Variants in ZNF730 observed in about 807,000 individuals in gnomAD.
The protein encoded by ZNF730 is zinc finger protein 730.
A neutral mutation model predicts 12.6 loss-of-function variants in ZNF730; 12 were observed. The observed-to-expected ratio is 0.95, with a 90% CI of 0.61 to 1.54. ZNF730 has a LOEUF of 1.54. Among genes scored for constraint, ZNF730 ranks in the 40% most tolerant of loss-of-function variants. The pLI, the probability that ZNF730 is intolerant of heterozygous loss-of-function variation, is 0.00. For synonymous variants in ZNF730, 194 were observed against 195.8 expected (o/e 0.99, Z 0.08); for missense variants, 643 against 583.5 (o/e 1.10, Z -1.05).
In ZNF730 at chr19:23,136,909, A is replaced by G. The variant is rs143041695; in HGVS notation, c.226+866A>G. 3.2e-3 allele frequency among the ~76,000 whole-genome samples: 485 copies of G among 152,256 alleles called. 2 individuals carry two copies. The highest frequency in any genetic ancestry group is 0.011 in the African/African-American group (469 of 41,560). On this transcript the variant is annotated intron_variant, in intron 3 of 3. Coordinates refer to ENST00000597761, the MANE Select transcript of ZNF730 (RefSeq NM_001277403.2). ...TTTTAGCCTGGGCATGGTGGCTCAC[A>G]CCTGTAATCCCAGCACTTTGGGAGG...
At chr19:23,127,478 T>A in intron 1 of ZNF730, 1 of 1,077,096 alleles carries the variant, frequency 9.3e-7, no homozygotes, top group South Asian at 1.3e-5. Context: ...CTTCTGTACT[T>A]TTTCCCTTGA....
At chr19:23,087,494 T>G (rs1049543413) in intron 1 of ZNF730, among the ~76,000 whole-genome samples, 4 of 152,196 alleles carry the variant, frequency 2.6e-5, no homozygotes, top group Non-Finnish European at 5.9e-5. Context: ...TTTATCAGCT[T>G]AAGGAGCTTA....
chr19:23,145,934 C>T lies in ZNF730; in HGVS notation c.890C>T (p.Ser297Leu), dbSNP rs1473418797. The part of the protein sequence containing the change: ...EECGKAFNQS[S>L]NLTEHKKIHT... ...TGTGGCAAAGCCTTTAACCAGTCCT[C>T]AAACCTTACTGAACATAAGAAAATT... The change falls in exon 4 of 4, where the codon TCA (serine) becomes TTA (leucine). Residue 297 changes from serine (S) to leucine (L), a missense_variant. Ser to Leu is a moderately radical substitution (Grantham distance 145). Transcript: ENST00000597761. The T allele has an allele frequency of 1.9e-6, 3 of 1,609,468 alleles. No individual in the cohort carries two copies. The highest frequency in any genetic ancestry group is 2.5e-6 in the Non-Finnish European group (3 of 1,179,066).
chr19:23,113,891 T>A (rs1400067818), upstream of ZNF730, among the ~76,000 whole-genome samples: 2 of 152,180 alleles, frequency 1.3e-5, no homozygotes, highest in South Asian at 2.1e-4. Context: ...GGAGAAATTG[T>A]TTAATTATAC....
At chr19:23,110,197 C>T (rs1970445668) in intron 1 of ZNF730, among the ~76,000 whole-genome samples, 1 of 111,002 alleles carries the variant, frequency 9.0e-6, no homozygotes, top group Non-Finnish European at 1.9e-5. Context: ...TCTCGAACTT[C>T]TGACCTTGGG....
At chr19:23,133,106 GTTTC>G (rs1374364451) in intron 1 of ZNF730, among the ~76,000 whole-genome samples, 3 of 152,120 alleles carry the variant, frequency 2.0e-5, no homozygotes, top group Non-Finnish European at 2.9e-5. Flanking sequence ...TTCATTAGTA[GTTTC>G]TTTATGCAGC....
chr19:23,106,572 A>T (rs1427705017), intron 1 of ZNF730, among the ~76,000 whole-genome samples: 2 of 152,138 alleles, frequency 1.3e-5, no homozygotes, highest in Non-Finnish European at 2.9e-5. Context: ...CAGGTGGATC[A>T]CCTGAGGTCG....
At chr19:23,117,407 G>C (rs1477287004) in intron 1 of ZNF730, among the ~76,000 whole-genome samples, 1 of 152,148 alleles carries the variant, frequency 6.6e-6, no homozygotes, top group Non-Finnish European at 1.5e-5. Flanking sequence ...CTGCCCTGGA[G>C]CCCTCTCTGG....
chr19:23,117,272 G>A (rs1970541670), intron 1 of ZNF730, 96 bp downstream of exon 1: 1 of 1,599,878 alleles, frequency 6.3e-7, no homozygotes, highest in South Asian at 1.1e-5. Flanking sequence ...CCCGCAGTCA[G>A]CTTCACAATC....
chr19:23,100,630 CTTTTTTTTTTTTTTTTTTTTTTTTTTTTT>C (rs201462781), intron 1 of ZNF730, among the ~76,000 whole-genome samples: 77,105 of 119,290 alleles, frequency 0.65, 24,149 homozygotes, highest in East Asian at 0.78. Flanking sequence ...GATGGTGATT[CTTTTTTTTTTTTTTTTTTTTTTTTTTTTT>C]TTTTTTTTTT....
At chr19:23,135,539 C>T (rs144595508) in intron 2 of ZNF730, among the ~76,000 whole-genome samples, 8,212 of 151,840 alleles carry the variant, frequency 0.054, 255 homozygotes, top group Middle Eastern at 0.089. Context: ...GAGACAGAGT[C>T]TCATTCTGTC....
chr19:23,131,801 T>C (rs996863966), intron 1 of ZNF730, among the ~76,000 whole-genome samples: 1 of 152,194 alleles, frequency 6.6e-6, no homozygotes, highest in Non-Finnish European at 1.5e-5. Context: ...TACCAAGTGA[T>C]TTATAAGCTG....
chr19:23,140,578 T>G (rs1295347395), intron 3 of ZNF730, among the ~76,000 whole-genome samples: 3 of 140,700 alleles, frequency 2.1e-5, no homozygotes, highest in Admixed American at 7.5e-5. Flanking sequence ...GCCACTGCAC[T>G]CCAGCCTGGG....
rs57120684 is a variant in ZNF730 at position 23,107,449 on chromosome 19, C to CAAAAAAAAAAAAAA, written c.-93-26618_-93-26605dup. Among the ~76,000 whole-genome samples the CAAAAAAAAAAAAAA allele has an allele frequency of 2.3e-4, 11 of 47,320 alleles. 1 individual carries two copies. The highest frequency in any genetic ancestry group is 7.6e-4 in the African/African-American group (9 of 11,792). 31.0% of individuals were successfully genotyped at this position (47,320 alleles called of 152,430 possible). ...TGTCTCTACTTTAAAAAAAAAATAC[C>CAAAAAAAAAAAAAA]AAAAAAAAAAAAAAAAAAAAAAAAA... On this transcript the variant is annotated intron_variant, in intron 1 of 2. Coordinates refer to the ZNF730 transcript ENST00000593635.
chr19:23,133,950 G>A, intron 1 of ZNF730, 130 bp from the exon 2 acceptor site: 1 of 1,045,248 alleles, frequency 9.6e-7, no homozygotes, highest in South Asian at 1.6e-5. Context: ...TGTGTTGAAG[G>A]TTATTAGATA....
At chr19:23,084,402 A>G (rs1161303828) in intron 1 of ZNF730, among the ~76,000 whole-genome samples, 4 of 152,258 alleles carry the variant, frequency 2.6e-5, no homozygotes, top group African/African-American at 9.6e-5. Flanking sequence ...TTTCCTAGAC[A>G]AGTGGCAGAT....
At chr19:23,100,630 CTTTTTTTTTT>C (rs201462781) in intron 1 of ZNF730, among the ~76,000 whole-genome samples, 43 of 118,498 alleles carry the variant, frequency 3.6e-4, no homozygotes, top group Non-Finnish European at 4.3e-4. Context: ...GATGGTGATT[CTTTTTTTTTT>C]TTTTTTTTTT....
At chr19:23,105,904 C>CAG (rs1226583372) in intron 1 of ZNF730, among the ~76,000 whole-genome samples, 1 of 152,166 alleles carries the variant, frequency 6.6e-6, no homozygotes, top group Non-Finnish European at 1.5e-5. Flanking sequence ...ATGCATGAGT[C>CAG]AGACATGCAT....
chr19:23,116,573 CTTTTTTT>C (rs5827552), upstream of ZNF730, among the ~76,000 whole-genome samples: 1 of 86,932 alleles, frequency 1.2e-5, no homozygotes, highest in Admixed American at 1.7e-4. Context: ...CTCCCAGCTA[CTTTTTTT>C]TTTTTTTTTT....
Sources: allele counts gnomAD v4.1 joint callset (sites outside exome capture counted in the v4.1 genomes callset), GRCh38; gene constraint gnomAD v4.1.1; transcripts MANE v1.5; gene names NCBI Gene and HGNC (gene_info 2026-07-23, HGNC 2026-07-21).